ERC2: variants seen among roughly 807,000 people sequenced by gnomAD.
The protein encoded by ERC2 is ERC protein 2.
In ERC2, 42 loss-of-function variants were observed where a neutral mutation model predicts 114.8. The ratio of observed to expected loss-of-function variants is 0.37; its 90% CI spans 0.29 to 0.47. ERC2 has a LOEUF of 0.47. ERC2 is among the 20% of genes least tolerant of loss of function. The pLI, the probability that ERC2 is intolerant of heterozygous loss-of-function variation, is 0.99. For missense variants in ERC2, 939 were observed against 1,150.7 expected (o/e 0.82, Z 2.66); for synonymous variants, 454 against 425.5 (o/e 1.07, Z -0.82).
intron 2 of ERC2, among the ~76,000 whole-genome samples, chr3:56,349,071 CA>C (rs1347146641): frequency 6.6e-6 from 1 of 152,124 alleles, no homozygotes; most frequent in Non-Finnish European, 1.5e-5. Context: ...AAAAAATTAA[CA>C]GAAGAAAATA....
chr3:55,595,774 G>T (rs114894422), intron 17 of ERC2, among the ~76,000 whole-genome samples: 1 of 152,192 alleles, frequency 6.6e-6, no homozygotes, highest in Non-Finnish European at 1.5e-5. Context: ...GAAACCAAGT[G>T]GATCTTTGCT....
At chr3:56,301,459 C>T (rs944851585) in intron 2 of ERC2, among the ~76,000 whole-genome samples, 1 of 152,076 alleles carries the variant, frequency 6.6e-6, no homozygotes, top group Non-Finnish European at 1.5e-5. Context: ...TAATTGAAGA[C>T]GGGGAGGGGA....
intron 3 of ERC2, among the ~76,000 whole-genome samples, chr3:56,276,642 A>T (rs530552304): frequency 6.6e-6 from 1 of 152,112 alleles, no homozygotes; most frequent in Non-Finnish European, 1.5e-5. Context: ...ATTTGAATAT[A>T]ATTTGAGAGG....
At chr3:56,427,787 T>C (rs1007833559) in intron 2 of ERC2, among the ~76,000 whole-genome samples, 1 of 152,148 alleles carries the variant, frequency 6.6e-6, no homozygotes, top group Non-Finnish European at 1.5e-5. Flanking sequence ...TGCTGACACC[T>C]TGATCTTGGA....
At chr3:56,249,191 T>A (rs950109190) in intron 3 of ERC2, among the ~76,000 whole-genome samples, 1 of 152,238 alleles carries the variant, frequency 6.6e-6, no homozygotes, top group African/African-American at 2.4e-5. Context: ...CACCTCAACC[T>A]TACAAGGATG....
At chr3:55,848,413 AC>A (rs2061449542) in intron 14 of ERC2, among the ~76,000 whole-genome samples, 1 of 152,150 alleles carries the variant, frequency 6.6e-6, no homozygotes, top group African/African-American at 2.4e-5. Context: ...TGTGTTTTCT[AC>A]TGACTTCTGC....
chr3:55,885,230 C>T (rs2063305468), intron 14 of ERC2, among the ~76,000 whole-genome samples: 1 of 152,326 alleles, frequency 6.6e-6, no homozygotes, highest in East Asian at 1.9e-4. Flanking sequence ...AATGATAATA[C>T]CCATCTGACT....
rs2060755255 is a variant in ERC2, at chr3:55,653,997, T to G, written c.*39+29797A>C. ...CTTCCTCCTCATTCCTGGTTACATA[T>G]TGTCATGCCCTTGCTCTTTGCATCC... On this transcript the variant is annotated intron_variant, in intron 17 of 17. Coordinates refer to ENST00000288221, the MANE Select transcript of ERC2 (RefSeq NM_015576.3). Among the ~76,000 whole-genome samples the G allele has an allele frequency of 2.0e-5, 3 of 152,190 alleles. No individual in the cohort carries two copies. In the South Asian group the frequency reaches 6.2e-4, roughly 32 times the overall value.
intron 13 of ERC2, among the ~76,000 whole-genome samples, chr3:55,931,246 T>G (rs912621258): frequency 6.6e-6 from 1 of 152,202 alleles, no homozygotes; most frequent in Non-Finnish European, 1.5e-5. Flanking sequence ...GCAATCCCAT[T>G]ACTGGGTGTA....
chr3:56,067,214 G>A (rs1401597084), intron 7 of ERC2, among the ~76,000 whole-genome samples: 2 of 152,142 alleles, frequency 1.3e-5, no homozygotes, highest in Non-Finnish European at 2.9e-5. Flanking sequence ...ATTTGTTTGT[G>A]TCTTCTCTTA....
At chr3:56,046,920 A>G (rs1005941255) in intron 7 of ERC2, among the ~76,000 whole-genome samples, 1 of 152,238 alleles carries the variant, frequency 6.6e-6, no homozygotes, top group Non-Finnish European at 1.5e-5. Context: ...TGCAGAATTT[A>G]CAAAGTAAAA....
intron 3 of ERC2, among the ~76,000 whole-genome samples, chr3:56,179,515 G>T (rs2083171123): frequency 1.3e-5 from 2 of 152,154 alleles, no homozygotes; most frequent in South Asian, 4.1e-4. Context: ...GCTAGTTAGA[G>T]GTAACTGGAA....
intron 3 of ERC2, among the ~76,000 whole-genome samples, chr3:56,241,377 TA>T (rs1459099135): frequency 1.4e-4 from 22 of 152,078 alleles, no homozygotes; most frequent in Non-Finnish European, 2.9e-5. Flanking sequence ...TAGCTATCAT[TA>T]AAAAGTCAAA....
chr3:55,653,883 T>C (rs2060749751), intron 17 of ERC2, among the ~76,000 whole-genome samples: 1 of 152,174 alleles, frequency 6.6e-6, no homozygotes, highest in Admixed American at 6.5e-5. Context: ...TGGCCCCAGC[T>C]CTTTCTTGGA....
intron 1 of ERC2, among the ~76,000 whole-genome samples, chr3:56,438,072 T>A (rs146536083): frequency 1.6e-4 from 25 of 152,374 alleles, no homozygotes; most frequent in Non-Finnish European, 3.2e-4. Flanking sequence ...AATTGTCCCA[T>A]AGAGCTGATG....
chr3:56,064,973 C>A (rs537689986), intron 7 of ERC2, among the ~76,000 whole-genome samples: 3 of 152,358 alleles, frequency 2.0e-5, no homozygotes, highest in Admixed American at 2.0e-4. Context: ...GCACCTATAA[C>A]ATGCCAGCAC....
chr3:55,694,481 T>C (rs772361847), intron 16 of ERC2, among the ~76,000 whole-genome samples: 4 of 152,220 alleles, frequency 2.6e-5, no homozygotes, highest in Non-Finnish European at 5.9e-5. Context: ...CCTAAACTCA[T>C]AGCCCTCATT....
At chr3:56,249,743 C>T (rs2051999740) in intron 3 of ERC2, among the ~76,000 whole-genome samples, 1 of 152,076 alleles carries the variant, frequency 6.6e-6, no homozygotes, top group Non-Finnish European at 1.5e-5. Context: ...ATGTAAAATG[C>T]TAGGCACAAT....
At chr3:55,928,024 T>C (rs2065849432) in intron 13 of ERC2, among the ~76,000 whole-genome samples, 1 of 152,214 alleles carries the variant, frequency 6.6e-6, no homozygotes, top group South Asian at 2.1e-4. Flanking sequence ...GACACTTAGG[T>C]TCCTTCCAAA....
Sources: allele counts gnomAD v4.1 joint callset (sites outside exome capture counted in the v4.1 genomes callset), GRCh38; gene constraint gnomAD v4.1.1; transcripts MANE v1.5; gene names NCBI Gene and HGNC (gene_info 2026-07-23, HGNC 2026-07-21).